Variants in AARS1 observed in about 807,000 individuals in gnomAD.
AARS1 encodes alanine--tRNA ligase, cytoplasmic.
Under a neutral mutation model 108.9 loss-of-function variants are expected in AARS1, and 72 were observed. That is an observed-to-expected ratio of 0.66 (90% confidence interval 0.55 to 0.80). AARS1 has a LOEUF of 0.80. Ranked by LOEUF, AARS1 falls within the 30% of genes least tolerant of loss-of-function variation. AARS1 has a pLI of 0.00. For missense variants in AARS1, 1,193 were observed against 1,233.2 expected, an observed-to-expected ratio of 0.97 and a Z score of 0.49; for synonymous variants, 489 against 465.7, an observed-to-expected ratio of 1.05 and a Z score of -0.64.
chr16:70,256,487 A>G (rs1420013873), intron 15 of AARS1, among the ~76,000 whole-genome samples: 1 of 152,118 alleles, frequency 6.6e-6, no homozygotes, highest in African/African-American at 2.4e-5. Flanking sequence ...TTTAGTACAG[A>G]CAGGTTTTCA....
chr16:70,274,882 T>C (rs183676299), intron 4 of AARS1, among the ~76,000 whole-genome samples: 1 of 152,196 alleles, frequency 6.6e-6, no homozygotes, highest in East Asian at 1.9e-4. Context: ...TCTACATTTC[T>C]ATAAGGTTTG....
At chr16:70,265,213 T>C in intron 10 of AARS1, 111 bp from the exon 11 acceptor site, 2 of 1,369,586 alleles carry the variant, frequency 1.5e-6, no homozygotes, top group Non-Finnish European at 2.1e-6. Context: ...ACAGGGTTTT[T>C]CAATCCTGGC....
intron 5 of AARS1, among the ~76,000 whole-genome samples, chr16:70,271,047 GAGGCTGAGGCAGGAGAACTCAGC>G (rs1287819881): frequency 4.0e-5 from 6 of 151,630 alleles, no homozygotes; most frequent in South Asian, 2.1e-4. Context: ...AGCTACTCAG[GAGGCTGAGGCAGGAGAACTCAGC>G]AGGCTGAGGC....
rs1960833844 is a variant in AARS1, at chr16:70,286,193, T to C, written c.-22+3228A>G. Among the ~76,000 whole-genome samples the C allele has an allele frequency of 2.0e-5, 3 of 152,172 alleles. 1 individual carries two copies. The South Asian group carries it at 6.2e-4, about 32-fold the overall frequency. On this transcript the variant is annotated intron_variant, in intron 1 of 20. Transcript: ENST00000261772. ...TCAATCTAAATTTATATTTATTCGA[T>C]ATAAATTCAATATATTTATTCAACA...
intron 19 of AARS1, 87 bp from the exon 20 acceptor site, chr16:70,253,468 C>T: frequency 8.6e-7 from 1 of 1,159,582 alleles, no homozygotes; most frequent in Admixed American, 1.9e-5. Flanking sequence ...AGGCCTGCCA[C>T]CCACCCCTAC....
intron 2 of AARS1, among the ~76,000 whole-genome samples, chr16:70,281,877 C>A (rs901374707): frequency 3.3e-5 from 5 of 150,850 alleles, no homozygotes; most frequent in Non-Finnish European, 5.9e-5. Context: ...GCTGGCCGGG[C>A]GTGGTGGCTC....
intron 2 of AARS1, 38 bp from the exon 3 acceptor site, chr16:70,277,192 G>C (rs775097399): frequency 6.3e-7 from 1 of 1,598,804 alleles, no homozygotes. Context: ...TTTAAAGGGT[G>C]CAAGTGATGT....
At chr16:70,254,292 C>T (rs1431785099) in intron 17 of AARS1, 1 of 602,908 alleles carries the variant, frequency 1.7e-6, no homozygotes, top group South Asian at 2.0e-5. Flanking sequence ...CTGTGATAAG[C>T]TTCCTGGCAG....
chr16:70,262,905 T>G (rs775461937), intron 11 of AARS1, among the ~76,000 whole-genome samples: 4 of 131,850 alleles, frequency 3.0e-5, no homozygotes, highest in East Asian at 2.3e-4. Context: ...GAGGCGGAGC[T>G]TGCAGTGAGC....
In AARS1 at chr16:70,254,651, A is replaced by G. The variant is rs1244686159; in HGVS notation, c.2370T>C (p.Asp790=). The G allele has an allele frequency of 1.9e-6, 3 of 1,613,920 alleles. No homozygotes were observed. Among genetic ancestry groups the G allele is most frequent in the South Asian group, 2.2e-5 (2 of 91,086 alleles). The part of the protein sequence containing the change: ...KVKAQTAPNK[D]VQREIADLGE... Reference sequence around the variant, plus strand: ...CAAGGTCAGCGATCTCCCTCTGCACATCCTTGTTTGGAGCAGTCTGAGCCT... The same window carrying G: ...CAAGGTCAGCGATCTCCCTCTGCACGTCCTTGTTTGGAGCAGTCTGAGCCT... Residue 790 remains aspartate, a synonymous_variant, in exon 17 of 21, where the codon GAT becomes GAC. Coordinates refer to ENST00000261772, the MANE Select transcript of AARS1 (RefSeq NM_001605.3).
At chr16:70,255,989 G>A (rs1171008451) in intron 15 of AARS1, among the ~76,000 whole-genome samples, 153 bp from the exon 16 acceptor site, 8 of 152,178 alleles carry the variant, frequency 5.3e-5, no homozygotes, top group African/African-American at 1.7e-4. Flanking sequence ...ACACCAGCTC[G>A]CTGAGCCTGA....
At chr16:70,287,993 G>GAC (rs1960896921) in intron 1 of AARS1, among the ~76,000 whole-genome samples, 1 of 151,952 alleles carries the variant, frequency 6.6e-6, no homozygotes, top group African/African-American at 2.4e-5. Context: ...TCGACCTCCT[G>GAC]ACCTCAGGCG....
chr16:70,258,054 G>T lies in AARS1; in HGVS notation c.2156C>A (p.Ser719Tyr). The change falls in exon 15 of 21, where the codon TCT becomes TAT. Residue 719 changes from serine (S) to tyrosine (Y), a missense_variant. Physicochemically the swap from Ser to Tyr is moderately radical, Grantham distance 144. Transcript: ENST00000261772. Reference protein sequence around the residue: ...DPSGPAGSLTSVEFCGGTHLR... With the variant: ...DPSGPAGSLTYVEFCGGTHLR... ...TCACGTTCCCCCACAGAACTCAACA[G>T]AAGTCAGGGAGCCAGCAGGCCCAGA... The T allele has an allele frequency of 6.2e-7, 1 of 1,614,132 alleles. No individual in the cohort carries two copies. The highest frequency in any genetic ancestry group is 2.2e-5 in the East Asian group (1 of 44,876).
At chr16:70,266,175 A>G (rs965852134) in intron 9 of AARS1, among the ~76,000 whole-genome samples, 2 of 151,928 alleles carry the variant, frequency 1.3e-5, no homozygotes, top group African/African-American at 2.4e-5. Flanking sequence ...TTAGCCGGGC[A>G]TGGTGGCGGG....
At chr16:70,267,899 G>A (rs1960302320) in intron 8 of AARS1, 90 bp from the exon 9 acceptor site, 1 of 1,567,044 alleles carries the variant, frequency 6.4e-7, no homozygotes, top group Non-Finnish European at 8.7e-7. Context: ...TGGGTGCAGT[G>A]GCTCACGCCT....
intron 13 of AARS1, 84 bp from the exon 14 acceptor site, chr16:70,259,270 A>G: frequency 7.1e-7 from 1 of 1,401,058 alleles, no homozygotes; most frequent in South Asian, 1.2e-5. Context: ...GAGTGCTACA[A>G]TTTTTAGTTG....
chr16:70,280,614 C>T (rs1404530413), intron 2 of AARS1, among the ~76,000 whole-genome samples: 1 of 152,108 alleles, frequency 6.6e-6, no homozygotes, highest in Non-Finnish European at 1.5e-5. Context: ...GCAGATGCCC[C>T]GGGGGAGCAG....
chr16:70,267,599 C>T, intron 9 of AARS1, 60 bp downstream of exon 9: 4 of 1,604,174 alleles, frequency 2.5e-6, no homozygotes, highest in Non-Finnish European at 3.4e-6. Context: ...TCAGAAAGGG[C>T]TTGTCTTTCC....
intron 17 of AARS1, 148 bp downstream of exon 17, chr16:70,254,473 C>T (rs1403072485): frequency 2.9e-6 from 2 of 689,460 alleles, no homozygotes; most frequent in Non-Finnish European, 2.6e-6. Context: ...CATGGGGTCC[C>T]TGCTACAAGG....
Sources: gnomAD v4.1 joint callset for allele counts (sites outside exome capture counted in the v4.1 genomes callset) on GRCh38, gnomAD v4.1.1 for gene constraint, MANE v1.5 for transcripts, NCBI Gene and HGNC (gene_info 2026-07-23, HGNC 2026-07-21) for gene names.